Variants in CYP4A11 observed in about 807,000 individuals in gnomAD.
CYP4A11 encodes the protein cytochrome P450 family 4 subfamily A member 11, also known as cytochrome P450 4A11.
In CYP4A11, 52 loss-of-function variants were observed where a neutral mutation model predicts 57.7. The ratio of observed to expected loss-of-function variants is 0.90; its 90% confidence interval spans 0.72 to 1.14. The LOEUF is 1.14. Ranked by LOEUF, CYP4A11 falls within the 50% of genes most tolerant of loss-of-function variation. The pLI is 0.00. For synonymous variants in CYP4A11, 228 were observed against 247.1 expected, an observed-to-expected ratio of 0.92 and a Z score of 0.72; for missense variants, 641 against 642.1, an observed-to-expected ratio of 1.00 and a Z score of 0.02.
chr1:46,941,118 G>A (rs562606815), intron 1 of CYP4A11, 121 bp downstream of exon 1: 8 of 1,451,552 alleles, frequency 5.5e-6, no homozygotes, highest in Non-Finnish European at 6.4e-6. Context: ...GGTAGGCTGG[G>A]TGTTCCTTTG....
intron 1 of CYP4A11, among the ~76,000 whole-genome samples, chr1:46,940,412 T>C (rs2148468016): frequency 6.6e-6 from 1 of 152,316 alleles, no homozygotes; most frequent in Non-Finnish European, 1.5e-5. Flanking sequence ...TCTACACACC[T>C]GAGCTGATCA....
At chr1:46,931,627 C>G (rs1681033714) in intron 11 of CYP4A11, 1 of 681,586 alleles carries the variant, frequency 1.5e-6, no homozygotes, top group South Asian at 6.7e-5. Context: ...CTCTCCAGTT[C>G]TCTAGTGGCA....
intron 9 of CYP4A11, 119 bp from the exon 10 acceptor site, chr1:46,933,166 G>A: frequency 7.0e-7 from 1 of 1,435,098 alleles, no homozygotes; most frequent in East Asian, 2.3e-5. Context: ...TTTTCACTTT[G>A]ACTGGGATGA....
In CYP4A11 at chr1:46,930,118, A is replaced by G; in HGVS notation, c.1557T>C (p.Leu519=). 1.2e-6 allele frequency: 2 copies of G among 1,610,248 alleles called. No individual in the cohort carries two copies. Among genetic ancestry groups the G allele is most frequent in the Non-Finnish European group, 8.5e-7 (1 of 1,177,684 alleles). The part of the protein sequence containing the change: ...LPNPCEDKDQ[L] The stretch of plus-strand genomic sequence containing the variant: ...ACAGGACGGCAGGTGGAGGCCCTCA[A>G]AGCTGGTCCTTGTCTTCACAAGGGT... The change falls in exon 12 of 12, where the codon CTT becomes CTC. Residue 519 remains leucine (L), a synonymous_variant. Coordinates refer to ENST00000310638, the MANE Select transcript of CYP4A11 (RefSeq NM_000778.4).
intron 6 of CYP4A11, 87 bp from the exon 7 acceptor site, chr1:46,934,646 G>A: frequency 7.8e-7 from 1 of 1,279,528 alleles, no homozygotes; most frequent in Non-Finnish European, 1.1e-6. Flanking sequence ...CAGTGTGGGT[G>A]CCTGGTAGAT....
chr1:46,930,851 T>C (rs1322769139), intron 11 of CYP4A11, among the ~76,000 whole-genome samples: 2 of 152,094 alleles, frequency 1.3e-5, no homozygotes, highest in Admixed American at 6.5e-5. Context: ...TGATCCTCAG[T>C]GTTGCCCCAC....
rs538422292 is a variant in CYP4A11 at position 46,937,901 on chromosome 1, G to A, written c.337+95C>T. The A allele has an allele frequency of 6.5e-5, 102 of 1,560,878 alleles. No homozygotes were observed. In the African/African-American group the frequency reaches 1.3e-3, roughly 20 times the overall value. ...CGTGGGAGAGGTTTCAGATATTGAT[G>A]TTTGAACAGCCACTCTCTTCTGGAA... On this transcript the variant is annotated intron_variant, in intron 2 of 11. Coordinates refer to ENST00000310638, the MANE Select transcript of CYP4A11 (RefSeq NM_000778.4).
At position 46,930,214 on chromosome 1, in the gene CYP4A11, G is replaced by A. The variant is rs9333036; in HGVS notation, c.1461C>T (p.Ile487=). 5,543 of 1,614,112 alleles carry A rather than the reference G, an allele frequency of 3.4e-3. 126 individuals are homozygous for A. In the African/African-American group the frequency reaches 0.061, roughly 18 times the overall value. Residue 487 remains isoleucine, a synonymous_variant, in exon 12 of 12, where the codon ATC becomes ATT. Transcript: ENST00000310638. The stretch of plus-strand genomic sequence containing the variant: ...ACACAAGTCGTGCAATGGGGATGGG[G>A]ATCCTGGTGGGATCAGGCAGCAGCT... ...RFELLPDPTR[I]PIPIARLVLK...
chr1:46,935,572 T>A lies in CYP4A11; in HGVS notation c.586A>T (p.Thr196Ser). The A allele has an allele frequency of 1.2e-6, 2 of 1,613,978 alleles. No homozygotes were observed. The highest frequency in any genetic ancestry group is 1.7e-6 in the Non-Finnish European group (2 of 1,179,860). Reference sequence around the variant, plus strand: ...TGGCTGAAGGCACACTTCATGATGGTGTCCAGGGTCATCAAGGAGACGTGC... The same window carrying A: ...TGGCTGAAGGCACACTTCATGATGGAGTCCAGGGTCATCAAGGAGACGTGC... Reference protein sequence around the residue: ...FQHVSLMTLDTIMKCAFSHQG... With the variant: ...FQHVSLMTLDSIMKCAFSHQG... The change falls in exon 5 of 12, where the codon ACC becomes TCC. Residue 196 changes from threonine to serine, a missense_variant. Thr to Ser is a moderately conservative substitution (Grantham distance 58). Coordinates refer to ENST00000310638, the MANE Select transcript of CYP4A11 (RefSeq NM_000778.4).
rs916337997 is a variant in CYP4A11, at chr1:46,929,208, A to G, written c.*907T>C. ...ATCACTGAGATTGTGATAGTTTATT[A>G]CAGCAGTAATAGGAAACTAATATAG... On this transcript the variant is annotated 3_prime_UTR_variant, in exon 12 of 12. Transcript: ENST00000310638. 1 of 152,216 alleles carries G rather than the reference A, an allele frequency of 6.6e-6. No homozygotes were observed. The highest frequency in any genetic ancestry group is 1.5e-5 in the Non-Finnish European group (1 of 68,052). The allele number at this position is 152,216 out of a possible 1,614,324, so 9.4% of individuals were successfully genotyped here. A position where few individuals can be genotyped will look rare whatever the true frequency, so the allele number is the denominator to read the frequency against.
intron 3 of CYP4A11, 143 bp from the exon 4 acceptor site, chr1:46,936,934 C>A: frequency 1.4e-6 from 2 of 1,411,228 alleles, no homozygotes; most frequent in Non-Finnish European, 1.9e-6. Context: ...GAAGAAGCCA[C>A]GTCATGGGCA....
At chr1:46,931,623 A>G (rs1681033531) in intron 11 of CYP4A11, 5 of 682,934 alleles carry the variant, frequency 7.3e-6, no homozygotes, top group Admixed American at 6.3e-5. Context: ...AATGCTCTCC[A>G]GTTCTCTAGT....
intron 3 of CYP4A11, 64 bp downstream of exon 3, chr1:46,937,238 T>C (rs1351787684): frequency 1.3e-6 from 2 of 1,571,358 alleles, no homozygotes; most frequent in Non-Finnish European, 1.7e-6. Context: ...TTGTTCTCTG[T>C]GAGCCAAATA....
Position 46,934,462 on chromosome 1 carries a change from G to A in CYP4A11, c.888C>T (p.Leu296=). 2 of 1,613,794 alleles carry A rather than the reference G, an allele frequency of 1.2e-6. No individual in the cohort carries two copies. The highest frequency in any genetic ancestry group is 1.7e-6 in the Non-Finnish European group (2 of 1,179,832). The change falls in exon 7 of 12, where the codon CTC becomes CTT. Residue 296 remains leucine, a synonymous_variant. Coordinates refer to ENST00000310638, the MANE Select transcript of CYP4A11 (RefSeq NM_000778.4). ...KRHLDFLDIL[L]LAKMENGSIL... is the part of the protein sequence containing the mutation. ...TCCTACACATACTCACTTTGGCCAAGAGGAGGATATCCAGAAAATCCAAAT... is the reference window on the plus strand; with the variant it reads ...TCCTACACATACTCACTTTGGCCAAAAGGAGGATATCCAGAAAATCCAAAT...
At chr1:46,935,900 T>C (rs1046892127) in intron 4 of CYP4A11, among the ~76,000 whole-genome samples, 8 of 152,214 alleles carry the variant, frequency 5.3e-5, no homozygotes, top group African/African-American at 1.9e-4. Context: ...TAGCATGGAT[T>C]AAGTATTGAA....
At chr1:46,940,873 G>GACA in intron 1 of CYP4A11, 14 of 985,376 alleles carry the variant, frequency 1.4e-5, no homozygotes, top group Non-Finnish European at 1.6e-5. Context: ...CAGGCAGAGT[G>GACA]ATGGCATTGA....
chr1:46,934,564 A>G lies in CYP4A11; in HGVS notation c.791-5T>C. ...TCCTCAGTTGGATCACTTGGTCTGT[A>G]CCAGAACAATGGTTACCAGGCAGAG... On this transcript the variant is annotated splice_region_variant and splice_polypyrimidine_tract_variant and intron_variant, in intron 6 of 11. Transcript: ENST00000310638. 1 of 1,609,656 alleles carries G rather than the reference A, an allele frequency of 6.2e-7. No homozygotes were observed. Among genetic ancestry groups the G allele is most frequent in the Non-Finnish European group, 8.5e-7 (1 of 1,177,970 alleles).
chr1:46,938,214 A>G (rs1681538590), intron 1 of CYP4A11, 77 bp from the exon 2 acceptor site: 3 of 1,577,868 alleles, frequency 1.9e-6, no homozygotes, highest in African/African-American at 2.7e-5. Flanking sequence ...CAGGACAACT[A>G]CAGGAGCCAT....
At chr1:46,933,069 G>A (rs1353506344) in intron 9 of CYP4A11, 22 bp from the exon 10 acceptor site, 1 of 1,613,924 alleles carries the variant, frequency 6.2e-7, no homozygotes, top group Non-Finnish European at 8.5e-7. Flanking sequence ...GTTGGAAACA[G>A]AGAGAAGACC....
Sources: gnomAD v4.1 joint callset for allele counts (sites outside exome capture counted in the v4.1 genomes callset) on GRCh38, gnomAD v4.1.1 for gene constraint, MANE v1.5 for transcripts, NCBI Gene and HGNC (gene_info 2026-07-23, HGNC 2026-07-21) for gene names.